Variants in ACP3 observed in about 807,000 individuals in gnomAD.
ACP3 encodes the protein acid phosphatase 3.
In ACP3, 38 loss-of-function variants were observed where a neutral mutation model predicts 45.6. The ratio of observed to expected loss-of-function variants is 0.83; its 90% confidence interval spans 0.64 to 1.09. ACP3 has a LOEUF of 1.09. ACP3 is among the 50% of genes least tolerant of loss of function. ACP3 has a pLI of 0.00. For synonymous variants in ACP3, 162 were observed against 164.7 expected, an observed-to-expected ratio of 0.98 and a Z score of 0.13; for missense variants, 466 against 463.2, an observed-to-expected ratio of 1.01 and a Z score of -0.05.
intron 1 of ACP3, among the ~76,000 whole-genome samples, chr3:132,321,456 C>T (rs1937205547): frequency 6.6e-6 from 1 of 152,174 alleles, no homozygotes; most frequent in Non-Finnish European, 1.5e-5. Flanking sequence ...ATCCAAGGAA[C>T]AGCCAAGCTG....
chr3:132,352,336 T>A (rs1937762594), intron 8 of ACP3, among the ~76,000 whole-genome samples: 1 of 150,762 alleles, frequency 6.6e-6, no homozygotes, highest in Non-Finnish European at 1.5e-5. Flanking sequence ...TAGCTGGATT[T>A]ACAGGCCCAT....
chr3:132,332,859 G>C (rs1241822014), intron 4 of ACP3, among the ~76,000 whole-genome samples: 1 of 152,160 alleles, frequency 6.6e-6, no homozygotes, highest in African/African-American at 2.4e-5. Flanking sequence ...ACTCTGAATG[G>C]ACAATATTCT....
At chr3:132,322,281 C>T (rs1017363782) in intron 1 of ACP3, among the ~76,000 whole-genome samples, 1 of 152,178 alleles carries the variant, frequency 6.6e-6, no homozygotes, top group African/African-American at 2.4e-5. Flanking sequence ...TAGACTTGTC[C>T]TGATTGCTTC....
intron 7 of ACP3, among the ~76,000 whole-genome samples, chr3:132,346,570 A>G (rs1937610920): frequency 6.6e-6 from 1 of 152,186 alleles, no homozygotes; most frequent in African/African-American, 2.4e-5. Context: ...AAAAATTACC[A>G]GGCGGGATAC....
At chr3:132,329,404 T>C (rs1186969675) in intron 2 of ACP3, among the ~76,000 whole-genome samples, 1 of 152,122 alleles carries the variant, frequency 6.6e-6, no homozygotes, top group Non-Finnish European at 1.5e-5. Flanking sequence ...TTCACTCTAA[T>C]GTGTAGCCGA....
chr3:132,323,177 A>C (rs1246221969), intron 1 of ACP3, among the ~76,000 whole-genome samples: 1 of 152,146 alleles, frequency 6.6e-6, no homozygotes, highest in Non-Finnish European at 1.5e-5. Flanking sequence ...AAGGAAAAAA[A>C]AAAAGCACAC....
intron 1 of ACP3, among the ~76,000 whole-genome samples, chr3:132,324,089 G>A (rs1163166175): frequency 6.6e-6 from 1 of 152,068 alleles, no homozygotes; most frequent in South Asian, 2.1e-4. Flanking sequence ...GTGGTGGCAG[G>A]TGCTTGTAAT....
chr3:132,322,358 C>T (rs1937222415), intron 1 of ACP3, among the ~76,000 whole-genome samples: 1 of 152,188 alleles, frequency 6.6e-6, no homozygotes, highest in Non-Finnish European at 1.5e-5. Flanking sequence ...CTTCTAACCT[C>T]TGAAATGACA....
intron 6 of ACP3, among the ~76,000 whole-genome samples, chr3:132,343,240 A>G (rs1937571660): frequency 6.6e-6 from 1 of 152,214 alleles, no homozygotes; most frequent in African/African-American, 2.4e-5. Flanking sequence ...TGTTTTCCCA[A>G]CTAGCTCACT....
chr3:132,366,911 C>G (rs991850022), intron 10 of ACP3, among the ~76,000 whole-genome samples: 2 of 152,064 alleles, frequency 1.3e-5, no homozygotes, highest in Non-Finnish European at 1.5e-5. Context: ...TGATTTTCAC[C>G]TGTCTTCTAT....
intron 1 of ACP3, among the ~76,000 whole-genome samples, chr3:132,319,377 A>G (rs772462586): frequency 1.3e-5 from 2 of 152,252 alleles, no homozygotes; most frequent in Non-Finnish European, 2.9e-5. Flanking sequence ...CCAATAGTCA[A>G]TTGAGTGCTT....
chr3:132,357,086 T>G lies in ACP3; in HGVS notation c.*208T>G. ...GCCATAAAACTTAGCTAAGTTTTGT[T>G]TTGTTTTTCAGCGTTAATGTAAAGG... On this transcript the variant is annotated 3_prime_UTR_variant, in exon 10 of 10. Coordinates refer to ENST00000336375, the MANE Select transcript of ACP3 (RefSeq NM_001099.5). The G allele has an allele frequency of 7.6e-7, 1 of 1,310,246 alleles. No individual in the cohort carries two copies. The highest frequency in any genetic ancestry group is 9.7e-7 in the Non-Finnish European group (1 of 1,029,448). The allele number at this position is 1,310,246 out of a possible 1,614,324, so 81.2% of individuals were successfully genotyped here. A position where few individuals can be genotyped will look rare whatever the true frequency, so the allele number is the denominator to read the frequency against.
At chr3:132,350,582 T>C (rs979815774) in intron 8 of ACP3, among the ~76,000 whole-genome samples, 2 of 152,206 alleles carry the variant, frequency 1.3e-5, no homozygotes, top group African/African-American at 4.8e-5. Context: ...ATTTCAGGTG[T>C]TCAATAGCCA....
At chr3:132,361,872 G>A (rs1304635433), downstream of ACP3, among the ~76,000 whole-genome samples, 7 of 152,046 alleles carry the variant, frequency 4.6e-5, no homozygotes, top group Non-Finnish European at 7.3e-5. Context: ...ACCCATCTCC[G>A]CAGTCTCCTC....
chr3:132,367,616 A>G (rs532623451), intron 10 of ACP3: 12 of 1,057,514 alleles, frequency 1.1e-5, no homozygotes, highest in African/African-American at 1.6e-5. Flanking sequence ...GAAATTTGCA[A>G]TTAAGGCAGA....
chr3:132,363,467 C>T (rs1033216587), downstream of ACP3, among the ~76,000 whole-genome samples: 1 of 152,188 alleles, frequency 6.6e-6, no homozygotes, highest in African/African-American at 2.4e-5. Context: ...TATATGTAGC[C>T]TGTTACTAAA....
intron 1 of ACP3, among the ~76,000 whole-genome samples, chr3:132,328,063 T>C (rs1937330776): frequency 6.6e-6 from 1 of 152,192 alleles, no homozygotes; most frequent in African/African-American, 2.4e-5. Context: ...TAAATCCTGA[T>C]GTCCTGGCCA....
chr3:132,363,582 T>G (rs907707233), downstream of ACP3, among the ~76,000 whole-genome samples: 1 of 152,200 alleles, frequency 6.6e-6, no homozygotes, highest in African/African-American at 2.4e-5. Flanking sequence ...TTTCAATAGT[T>G]CTCTATCAAG....
At chr3:132,347,415 T>C (rs11917521) in intron 7 of ACP3, among the ~76,000 whole-genome samples, 72,231 of 152,060 alleles carry the variant, frequency 0.48, 17,965 homozygotes, top group Middle Eastern at 0.65. Context: ...ATCAGGGCCA[T>C]CTTCTGACCT....
Sources: gnomAD v4.1 joint callset for allele counts (sites outside exome capture counted in the v4.1 genomes callset) on GRCh38, gnomAD v4.1.1 for gene constraint, MANE v1.5 for transcripts, NCBI Gene and HGNC (gene_info 2026-07-23, HGNC 2026-07-21) for gene names.